The following BAZ2B variants were observed in gnomAD, a reference collection of about 807,000 sequenced individuals.
The protein encoded by BAZ2B is bromodomain adjacent to zinc finger domain protein 2B.
Under a neutral mutation model 246.0 loss-of-function variants are expected in BAZ2B, and 91 were observed. The observed-to-expected ratio is 0.37, with a 90% CI of 0.31 to 0.44. The LOEUF is 0.44. Ranked by LOEUF, BAZ2B falls within the 20% of genes least tolerant of loss-of-function variation. The pLI, the probability that BAZ2B is intolerant of heterozygous loss-of-function variation, is 1.00. For missense variants in BAZ2B, 2,332 were observed against 2,533.7 expected, an observed-to-expected ratio of 0.92 and a Z score of 1.71; for synonymous variants, 855 against 860.0, an observed-to-expected ratio of 0.99 and a Z score of 0.10.
At chr2:159,467,854 T>C (rs1335622996) in intron 3 of BAZ2B, among the ~76,000 whole-genome samples, 3 of 152,128 alleles carry the variant, frequency 2.0e-5, no homozygotes, top group Non-Finnish European at 4.4e-5. Context: ...AAGTATGACT[T>C]TGTAGCTTTC....
intron 4 of BAZ2B, among the ~76,000 whole-genome samples, chr2:159,449,245 A>C (rs2074696394): frequency 6.6e-6 from 1 of 152,194 alleles, no homozygotes; most frequent in Admixed American, 6.5e-5. Context: ...AGGAAGGATG[A>C]AGTAATCTTA....
At chr2:159,455,472 C>T (rs1050781086) in intron 3 of BAZ2B, among the ~76,000 whole-genome samples, 1 of 151,986 alleles carries the variant, frequency 6.6e-6, no homozygotes, top group African/African-American at 2.4e-5. Flanking sequence ...GATAGTGCTC[C>T]ACTACAACAA....
intron 2 of BAZ2B, among the ~76,000 whole-genome samples, chr2:159,524,384 G>C (rs991269042): frequency 6.6e-6 from 1 of 152,122 alleles, no homozygotes; most frequent in Non-Finnish European, 1.5e-5. Flanking sequence ...GAGCCGGGAA[G>C]TCAAGGCTGC....
intron 2 of BAZ2B, among the ~76,000 whole-genome samples, chr2:159,538,054 T>A (rs987191068): frequency 6.6e-6 from 1 of 152,166 alleles, no homozygotes; most frequent in Non-Finnish European, 1.5e-5. Context: ...TGCAGTGCAG[T>A]GGCCCGATCT....
the BAZ2B span, among the ~76,000 whole-genome samples, chr2:159,682,215 GAC>G: frequency 1.5e-5 from 1 of 67,302 alleles, no homozygotes; most frequent in Middle Eastern, 0.012. Flanking sequence ...TTTTTTTTTA[GAC>G]AGTCTCCCTC....
rs150438767 is a variant in BAZ2B at position 159,443,465 on chromosome 2, A to C, written c.696+3317T>G. Among the ~76,000 whole-genome samples, 155 of 152,250 alleles carry C rather than the reference A, an allele frequency of 1.0e-3. No individual in the cohort carries two copies. In the East Asian group the frequency reaches 0.012, roughly 12 times the overall value. ...TAGCTGAACTTTTTTTTCAAACTAC[A>C]TGTGAAAAGAATGAATGAAGCAACT... On this transcript the variant is annotated intron_variant, in intron 6 of 36. Transcript: ENST00000392783.
At chr2:159,643,038 G>A in the BAZ2B span, among the ~76,000 whole-genome samples, 1 of 152,086 alleles carries the variant, frequency 6.6e-6, no homozygotes. Flanking sequence ...TCTTTTGAAT[G>A]ACAGCAATGT....
At chr2:159,549,413 G>T (rs182973030) in intron 2 of BAZ2B, among the ~76,000 whole-genome samples, 1 of 152,044 alleles carries the variant, frequency 6.6e-6, no homozygotes, top group Non-Finnish European at 1.5e-5. Context: ...TCTAGACCAC[G>T]TGTCTCACTC....
intron 19 of BAZ2B, chr2:159,397,097 A>ACTC: frequency 6.9e-7 from 1 of 1,446,908 alleles, no homozygotes; most frequent in Non-Finnish European, 9.3e-7. Flanking sequence ...TGCCTCTCCA[A>ACTC]CTCCTGGTAG....
At chr2:159,429,071 T>C (rs1232561203) in intron 11 of BAZ2B, 129 bp downstream of exon 11, 5 of 568,136 alleles carry the variant, frequency 8.8e-6, no homozygotes, top group Non-Finnish European at 1.4e-5. Flanking sequence ...CTCCGGCTCT[T>C]CTGCTCTAAT....
intron 2 of BAZ2B, among the ~76,000 whole-genome samples, chr2:159,489,074 A>G (rs1374267154): frequency 6.6e-6 from 1 of 152,214 alleles, no homozygotes; most frequent in African/African-American, 2.4e-5. Flanking sequence ...CCTCTCATTT[A>G]CGCTTTTCCC....
At chr2:159,377,012 T>C (rs2061477034) in intron 25 of BAZ2B, among the ~76,000 whole-genome samples, 2 of 152,128 alleles carry the variant, frequency 1.3e-5, no homozygotes, top group African/African-American at 4.8e-5. Flanking sequence ...ACAGGCCAAC[T>C]TGTGAGGTTA....
At chr2:159,617,849 C>CATA (rs1696251330), upstream of BAZ2B, among the ~76,000 whole-genome samples, 1 of 151,814 alleles carries the variant, frequency 6.6e-6, no homozygotes, top group Admixed American at 6.6e-5. Context: ...TCATTTGTAA[C>CATA]ATAATAAGTG....
chr2:159,594,019 A>G (rs1370565615), intron 1 of BAZ2B, among the ~76,000 whole-genome samples: 1 of 152,208 alleles, frequency 6.6e-6, no homozygotes, highest in Non-Finnish European at 1.5e-5. Context: ...AACCTCCACC[A>G]CTATCCATTT....
In BAZ2B at chr2:159,348,675, C is replaced by T. The variant is rs2058238762; in HGVS notation, c.5293+3G>A. The T allele has an allele frequency of 3.1e-6, 5 of 1,593,670 alleles. No individual in the cohort carries two copies. Among genetic ancestry groups the T allele is most frequent in the Non-Finnish European group, 4.3e-6 (5 of 1,174,642 alleles). Reference sequence around the variant, plus strand: ...AAAGCTGAAATATCTTTTAGGTACACACCATCCTTATTCTTGAGGCAGGCT... The same window carrying T: ...AAAGCTGAAATATCTTTTAGGTACATACCATCCTTATTCTTGAGGCAGGCT... On this transcript the variant is annotated splice_donor_region_variant and intron_variant, in intron 30 of 36. Coordinates refer to ENST00000392783, the MANE Select transcript of BAZ2B (RefSeq NM_013450.4).
chr2:159,466,067 A>T (rs2077008719), intron 3 of BAZ2B, among the ~76,000 whole-genome samples: 1 of 152,230 alleles, frequency 6.6e-6, no homozygotes, highest in Admixed American at 6.5e-5. Context: ...CATCAAGAGC[A>T]GGCCTATCTC....
chr2:159,324,625 TACAC>T lies in BAZ2B; in HGVS notation c.6353+182_6353+185del, dbSNP rs60009917. On this transcript the variant is annotated intron_variant, in intron 36 of 36. Transcript: ENST00000392783. ...TCTATACTATTCTACTCTAACCAAA[TACAC>T]ACACACACACACACACACACACACA... Among the ~76,000 whole-genome samples the T allele has an allele frequency of 7.1e-3, 947 of 132,876 alleles. 2 individuals carry two copies. Among genetic ancestry groups the T allele is most frequent in the Non-Finnish European group, 0.011 (701 of 61,146 alleles). The allele number at this position is 132,876 out of a possible 152,430, so 87.2% of individuals were successfully genotyped here.
intron 3 of BAZ2B, among the ~76,000 whole-genome samples, chr2:159,472,142 G>A (rs984994354): frequency 2.0e-5 from 3 of 152,170 alleles, no homozygotes; most frequent in Non-Finnish European, 2.9e-5. Flanking sequence ...CTCGAGCAGT[G>A]GTTATAGTTC....
chr2:159,684,282 G>C, the BAZ2B span, among the ~76,000 whole-genome samples: 1 of 152,208 alleles, frequency 6.6e-6, no homozygotes, highest in Non-Finnish European at 1.5e-5. Context: ...ACACTGATGT[G>C]CAGCTTTTTG....
Sources: allele counts gnomAD v4.1 joint callset (sites outside exome capture counted in the v4.1 genomes callset), GRCh38; gene constraint gnomAD v4.1.1; transcripts MANE v1.5; gene names NCBI Gene and HGNC (gene_info 2026-07-23, HGNC 2026-07-21).